Variants in COL22A1 observed in about 807,000 individuals in gnomAD.
COL22A1 encodes the protein collagen alpha-1(XXII) chain.
A neutral mutation model predicts 248.9 loss-of-function variants in COL22A1; 221 were observed. The ratio of observed to expected loss-of-function variants is 0.89; its 90% CI spans 0.80 to 0.99. The LOEUF is 0.99. Ranked by LOEUF, COL22A1 falls within the 50% of genes least tolerant of loss-of-function variation. The pLI is 0.00. For missense variants in COL22A1, 2,240 were observed against 2,179.0 expected (o/e 1.03, Z -0.56); for synonymous variants, 891 against 793.4 (o/e 1.12, Z -2.07).
intron 64 of COL22A1, among the ~76,000 whole-genome samples, chr8:138,589,743 T>C (rs555114475): frequency 6.6e-6 from 1 of 152,284 alleles, no homozygotes; most frequent in Non-Finnish European, 1.5e-5. Flanking sequence ...ATTTCTCCAC[T>C]GAAGAGTCAG....
At chr8:138,802,399 G>A (rs1468524142) in intron 11 of COL22A1, among the ~76,000 whole-genome samples, 1 of 152,030 alleles carries the variant, frequency 6.6e-6, no homozygotes, top group East Asian at 2.0e-4. Flanking sequence ...TGGAGGAGGT[G>A]CTGTGGGAAC....
intron 38 of COL22A1, among the ~76,000 whole-genome samples, chr8:138,684,792 C>T (rs762946109): frequency 6.6e-6 from 1 of 152,164 alleles, no homozygotes; most frequent in African/African-American, 2.4e-5. Flanking sequence ...GGCTTTGAAA[C>T]CTTCACTTCA....
chr8:138,829,558 C>G (rs973969739), intron 5 of COL22A1, among the ~76,000 whole-genome samples: 7 of 152,048 alleles, frequency 4.6e-5, no homozygotes, highest in African/African-American at 1.7e-4. Context: ...TGCCCGCCAC[C>G]ACACCTGGCT....
intron 4 of COL22A1, among the ~76,000 whole-genome samples, chr8:138,843,321 G>A (rs1255600273): frequency 6.6e-6 from 1 of 152,192 alleles, no homozygotes; most frequent in Non-Finnish European, 1.5e-5. Flanking sequence ...ATGGCTCCCT[G>A]CTAGGATGGG....
chr8:138,635,271 C>T (rs573437427), intron 48 of COL22A1, among the ~76,000 whole-genome samples: 3 of 152,046 alleles, frequency 2.0e-5, no homozygotes, highest in East Asian at 1.9e-4. Flanking sequence ...GTCCTGAAAG[C>T]GGATTTGCTT....
rs773496618 is a variant in COL22A1, at chr8:138,660,460, T to A, written c.3261A>T (p.Gly1087=). ...AGRDGAPGNP[G]ERGPPGKPGL... Reference sequence around the variant, plus strand: ...CCGGCTTGCCAGGAGGCCCTCTTTCTCCTGGATTTCCTGGTGCACCCTAAG... The same window carrying A: ...CCGGCTTGCCAGGAGGCCCTCTTTCACCTGGATTTCCTGGTGCACCCTAAG... Residue 1087 remains glycine (G), a synonymous_variant, in exon 44 of 65, where the codon GGA becomes GGT. Coordinates refer to ENST00000303045, the MANE Select transcript of COL22A1 (RefSeq NM_152888.3). 1 of 1,613,526 alleles carries A rather than the reference T, an allele frequency of 6.2e-7. No individual in the cohort carries two copies. Among genetic ancestry groups the A allele is most frequent in the Non-Finnish European group, 8.5e-7 (1 of 1,179,474 alleles).
At chr8:138,631,140 T>C (rs142092160) in intron 49 of COL22A1, among the ~76,000 whole-genome samples, 173 of 152,332 alleles carry the variant, frequency 1.1e-3, no homozygotes, top group African/African-American at 3.8e-3. Flanking sequence ...GTATCATGCT[T>C]GTACAGTCTA....
chr8:138,821,906 C>T (rs1316853732), intron 6 of COL22A1, among the ~76,000 whole-genome samples: 1 of 152,190 alleles, frequency 6.6e-6, no homozygotes, highest in Non-Finnish European at 1.5e-5. Flanking sequence ...AAAGCTGGGG[C>T]TCCCATAAAA....
chr8:138,876,614 G>A lies in COL22A1; in HGVS notation c.658+1136C>T, dbSNP rs139109287. 1.6e-4 allele frequency among the ~76,000 whole-genome samples: 24 copies of A among 152,334 alleles called. 1 individual carries two copies. The highest frequency in any genetic ancestry group is 5.5e-4 in the African/African-American group (23 of 41,580). Reference sequence around the variant, plus strand: ...GGTAAAGCAGCCTAGAGCCACCCCAGTTTCAGAAATGGTTTAGCTGTTTTC... The same window carrying A: ...GGTAAAGCAGCCTAGAGCCACCCCAATTTCAGAAATGGTTTAGCTGTTTTC... On this transcript the variant is annotated intron_variant, in intron 3 of 64. Coordinates refer to ENST00000303045, the MANE Select transcript of COL22A1 (RefSeq NM_152888.3).
In COL22A1 at chr8:138,679,597, T is replaced by G; in HGVS notation, c.3072+20A>C. 1 of 1,611,230 alleles carries G rather than the reference T, an allele frequency of 6.2e-7. No homozygotes were observed. The highest frequency in any genetic ancestry group is 1.1e-5 in the South Asian group (1 of 91,016). On this transcript the variant is annotated intron_variant, in intron 40 of 64. Coordinates refer to ENST00000303045, the MANE Select transcript of COL22A1 (RefSeq NM_152888.3). ...TGTCCTTCTGTCTTTTTGCAAATGT[T>G]TGCATAGATCTTCACTGACCTTAAC...
intron 50 of COL22A1, 96 bp downstream of exon 50, chr8:138,630,599 G>A: frequency 1.0e-6 from 1 of 987,592 alleles, no homozygotes; most frequent in Non-Finnish European, 1.6e-6. Flanking sequence ...TGAGCCACAG[G>A]AGGCACACAG....
intron 9 of COL22A1, among the ~76,000 whole-genome samples, chr8:138,811,294 CATAT>C (rs555255717): frequency 1.5e-5 from 2 of 129,220 alleles, no homozygotes; most frequent in East Asian, 2.4e-4. Context: ...CACACACACA[CATAT>C]ATATATACAC....
chr8:138,856,222 C>T (rs1250099021), intron 3 of COL22A1, among the ~76,000 whole-genome samples: 1 of 152,254 alleles, frequency 6.6e-6, no homozygotes, highest in East Asian at 1.9e-4. Context: ...GGCCGCATTG[C>T]TGCACCTGTG....
At chr8:138,640,591 C>T (rs1821596684) in intron 47 of COL22A1, among the ~76,000 whole-genome samples, 2 of 152,032 alleles carry the variant, frequency 1.3e-5, no homozygotes, top group South Asian at 4.2e-4. Context: ...CACAGGTTAC[C>T]CCTTGTTCCA....
chr8:138,682,065 C>A (rs180861127), intron 39 of COL22A1, among the ~76,000 whole-genome samples: 26 of 152,168 alleles, frequency 1.7e-4, no homozygotes, highest in African/African-American at 6.3e-4. Flanking sequence ...AAGCAAGCCT[C>A]TCACATACAA....
At chr8:138,809,532 T>C (rs1818022600) in intron 9 of COL22A1, among the ~76,000 whole-genome samples, 1 of 141,312 alleles carries the variant, frequency 7.1e-6, no homozygotes, top group Admixed American at 7.0e-5. Context: ...CTTTTTCTTT[T>C]TTTTTTGAGA....
intron 31 of COL22A1, among the ~76,000 whole-genome samples, chr8:138,702,820 T>C (rs1261173722): frequency 1.3e-5 from 2 of 152,290 alleles, no homozygotes; most frequent in Non-Finnish European, 2.9e-5. Flanking sequence ...AAACTGACTT[T>C]GTTAGACCAT....
chr8:138,842,635 T>C (rs1820969005), intron 4 of COL22A1, among the ~76,000 whole-genome samples: 1 of 152,262 alleles, frequency 6.6e-6, no homozygotes, highest in African/African-American at 2.4e-5. Context: ...TGGCAAAGTA[T>C]TGCATTGGTG....
chr8:138,649,463 T>C (rs1358020311), intron 46 of COL22A1, among the ~76,000 whole-genome samples: 1 of 152,180 alleles, frequency 6.6e-6, no homozygotes, highest in East Asian at 1.9e-4. Flanking sequence ...ATCAACATCT[T>C]CTTAAAGTGA....
Sources: allele counts gnomAD v4.1 joint callset (sites outside exome capture counted in the v4.1 genomes callset), GRCh38; gene constraint gnomAD v4.1.1; transcripts MANE v1.5; gene names NCBI Gene and HGNC (gene_info 2026-07-23, HGNC 2026-07-21).